Variants in RBMS3 observed in about 807,000 individuals in gnomAD.
The protein encoded by RBMS3 is RNA-binding motif, single-stranded-interacting protein 3.
Under a neutral mutation model 66.8 loss-of-function variants are expected in RBMS3, and 27 were observed. The observed-to-expected ratio is 0.40, with a 90% CI of 0.30 to 0.56. The LOEUF (loss-of-function observed/expected upper bound fraction) is 0.56. Ranked by LOEUF, RBMS3 falls within the 20% of genes least tolerant of loss-of-function variation. RBMS3 has a pLI of 0.40. For synonymous variants in RBMS3, 188 were observed against 183.0 expected (o/e 1.03, Z -0.22); for missense variants, 513 against 549.5 (o/e 0.93, Z 0.66).
intron 6 of RBMS3, among the ~76,000 whole-genome samples, chr3:29,857,928 C>T (rs2059121318): frequency 6.6e-6 from 1 of 152,094 alleles, no homozygotes; most frequent in Admixed American, 6.5e-5. Flanking sequence ...TATGATACAT[C>T]ATAATTATGC....
intron 11 of RBMS3, 104 bp downstream of exon 11, chr3:29,936,300 G>T (rs1032364911): frequency 1.6e-5 from 17 of 1,055,562 alleles, no homozygotes; most frequent in Non-Finnish European, 2.3e-5. Context: ...TACCATATTC[G>T]TTGACTAACA....
intron 4 of RBMS3, among the ~76,000 whole-genome samples, chr3:29,601,257 G>T (rs988829707): frequency 6.6e-6 from 1 of 151,940 alleles, no homozygotes; most frequent in East Asian, 1.9e-4. Context: ...AAATGTAATT[G>T]TGATGTTTGC....
chr3:29,766,725 A>T (rs1242143835), intron 6 of RBMS3: 2 of 151,944 alleles, frequency 1.3e-5, no homozygotes, highest in Non-Finnish European at 2.9e-5. Flanking sequence ...GGTTCCCTGG[A>T]TCAATGAAGC....
At chr3:29,686,988 T>C (rs1052379687) in intron 4 of RBMS3, among the ~76,000 whole-genome samples, 2 of 152,208 alleles carry the variant, frequency 1.3e-5, no homozygotes, top group African/African-American at 4.8e-5. Context: ...ACTGGCTAGA[T>C]GCTGCACTCT....
At chr3:29,329,804 A>G (rs997431097) in intron 1 of RBMS3, among the ~76,000 whole-genome samples, 1 of 148,272 alleles carries the variant, frequency 6.7e-6, no homozygotes, top group African/African-American at 2.4e-5. Flanking sequence ...ATTTTTATAG[A>G]TTATATATAT....
intron 1 of RBMS3, among the ~76,000 whole-genome samples, chr3:29,358,779 A>T (rs370773741): frequency 2.6e-5 from 4 of 151,916 alleles, no homozygotes; most frequent in Admixed American, 6.6e-5. Flanking sequence ...GTAAGTTGGA[A>T]TCCTAGGTAT....
chr3:29,524,700 TCA>T (rs2045020273), intron 3 of RBMS3, among the ~76,000 whole-genome samples: 2 of 151,840 alleles, frequency 1.3e-5, no homozygotes, highest in Admixed American at 1.3e-4. Flanking sequence ...CTCCTTGGCC[TCA>T]CAAAGTGCTG....
At chr3:29,907,610 C>T (rs899321855) in intron 10 of RBMS3, among the ~76,000 whole-genome samples, 1 of 151,492 alleles carries the variant, frequency 6.6e-6, no homozygotes, top group African/African-American at 2.4e-5. Flanking sequence ...ATGATATATC[C>T]CTGTTAAAAA....
intron 12 of RBMS3, among the ~76,000 whole-genome samples, chr3:29,947,857 G>A (rs1227264089): frequency 6.6e-6 from 1 of 150,722 alleles, no homozygotes; most frequent in Non-Finnish European, 1.5e-5. Context: ...AATGACATCA[G>A]CATGAAATCA....
intron 1 of RBMS3, among the ~76,000 whole-genome samples, chr3:29,411,450 A>G (rs532631262): frequency 3.9e-4 from 60 of 152,350 alleles, no homozygotes; most frequent in African/African-American, 1.4e-3. Flanking sequence ...TCATTTTGGC[A>G]CTAAAATGAT....
chr3:29,967,925 T>G (rs765091793), intron 12 of RBMS3, among the ~76,000 whole-genome samples: 1 of 152,236 alleles, frequency 6.6e-6, no homozygotes, highest in Non-Finnish European at 1.5e-5. Flanking sequence ...GATTTTTGTT[T>G]CATTTATCTT....
chr3:29,768,776 G>T (rs1048884596), intron 6 of RBMS3, among the ~76,000 whole-genome samples: 2 of 151,882 alleles, frequency 1.3e-5, no homozygotes, highest in African/African-American at 4.8e-5. Flanking sequence ...ATTCTACAGG[G>T]TTCCTTGAGA....
At chr3:29,328,247 G>A (rs2035453722) in intron 1 of RBMS3, among the ~76,000 whole-genome samples, 1 of 152,076 alleles carries the variant, frequency 6.6e-6, no homozygotes, top group African/African-American at 2.4e-5. Flanking sequence ...TTTCTATTGA[G>A]CACAAGAATA....
chr3:29,810,877 A>T (rs2057710461), intron 6 of RBMS3, among the ~76,000 whole-genome samples: 1 of 152,176 alleles, frequency 6.6e-6, no homozygotes, highest in South Asian at 2.1e-4. Context: ...CCAATAGAAA[A>T]CGCACCAAAG....
intron 11 of RBMS3, among the ~76,000 whole-genome samples, chr3:29,943,746 G>T (rs1320034296): frequency 6.6e-6 from 1 of 151,730 alleles, no homozygotes; most frequent in Admixed American, 6.6e-5. Flanking sequence ...CCTTCAAAAT[G>T]TGTTAGCCTC....
intron 1 of RBMS3, among the ~76,000 whole-genome samples, chr3:29,396,433 G>A (rs1274371634): frequency 6.6e-6 from 1 of 152,070 alleles, no homozygotes; most frequent in Non-Finnish European, 1.5e-5. Context: ...GGGTTAAATG[G>A]CAAAATTGGA....
chr3:29,461,152 C>T (rs1344513686), intron 2 of RBMS3, among the ~76,000 whole-genome samples: 5 of 152,126 alleles, frequency 3.3e-5, no homozygotes, highest in Non-Finnish European at 5.9e-5. Flanking sequence ...ATTTTCTCCT[C>T]TTCTTCCTTT....
chr3:29,408,425 G>A (rs1267029653), intron 1 of RBMS3, among the ~76,000 whole-genome samples: 7 of 151,862 alleles, frequency 4.6e-5, no homozygotes, highest in African/African-American at 1.7e-4. Context: ...TAAAATATTT[G>A]GAACAGTGTA....
Position 29,313,210 on chromosome 3 carries a change from G to A in RBMS3, c.75+31454G>A, listed in dbSNP as rs190415894. 1.6e-4 allele frequency among the ~76,000 whole-genome samples: 24 copies of A among 151,836 alleles called. No homozygotes were observed. The East Asian group carries it at 1.8e-3, about 11-fold the overall frequency. Reference sequence around the variant, plus strand: ...AGGGTGGTCCCACAAATCAAATGTAGTGTGACTTTGGTTTCATTTCTTTGT... The same window carrying A: ...AGGGTGGTCCCACAAATCAAATGTAATGTGACTTTGGTTTCATTTCTTTGT... On this transcript the variant is annotated intron_variant, in intron 1 of 14. Coordinates refer to ENST00000383767, the MANE Select transcript of RBMS3 (RefSeq NM_001003793.3).
Sources: gnomAD v4.1 joint callset for allele counts (sites outside exome capture counted in the v4.1 genomes callset) on GRCh38, gnomAD v4.1.1 for gene constraint, MANE v1.5 for transcripts, NCBI Gene and HGNC (gene_info 2026-07-23, HGNC 2026-07-21) for gene names.